The following IL1RAP variants were observed in gnomAD, a reference collection of about 807,000 sequenced individuals.
IL1RAP encodes the protein interleukin-1 receptor accessory protein.
Under a neutral mutation model 60.7 loss-of-function variants are expected in IL1RAP, and 35 were observed. That is an observed-to-expected ratio of 0.58 (90% CI 0.44 to 0.76). IL1RAP has a LOEUF of 0.76. Among genes scored for constraint, IL1RAP ranks in the 30% least tolerant of loss-of-function variants. IL1RAP has a pLI of 0.00. For missense variants in IL1RAP, 572 were observed against 693.9 expected, an observed-to-expected ratio of 0.82 and a Z score of 1.97; for synonymous variants, 268 against 250.9, an observed-to-expected ratio of 1.07 and a Z score of -0.64.
chr3:190,657,508 G>A (rs968444639), exon 12 of IL1RAP: 2 of 152,286 alleles, frequency 1.3e-5, no homozygotes, highest in East Asian at 3.9e-4. Flanking sequence ...TCCCATTCAG[G>A]CTTCTGAGAA....
chr3:190,657,982 G>T (rs929891104), exon 12 of IL1RAP: 1 of 151,860 alleles, frequency 6.6e-6, no homozygotes, highest in African/African-American at 2.4e-5. Context: ...TTGAACCTAG[G>T]AGGTGGAGGT....
intron 4 of IL1RAP, 101 bp downstream of exon 4, chr3:190,604,514 T>G: frequency 8.1e-7 from 1 of 1,241,130 alleles, no homozygotes; most frequent in Non-Finnish European, 1.1e-6. Flanking sequence ...GTCGGAAGCA[T>G]TTAGATAGAG....
chr3:190,609,868 A>G (rs533368660), intron 5 of IL1RAP, among the ~76,000 whole-genome samples: 1 of 152,296 alleles, frequency 6.6e-6, no homozygotes, highest in East Asian at 1.9e-4. Flanking sequence ...AAGGAAGCAG[A>G]TGGAAGTAAC....
At chr3:190,527,983 T>C (rs932615807) in intron 1 of IL1RAP, among the ~76,000 whole-genome samples, 6 of 152,158 alleles carry the variant, frequency 3.9e-5, no homozygotes, top group African/African-American at 1.4e-4. Flanking sequence ...TGGGAACTGC[T>C]GCAGGATTTT....
At chr3:190,606,622 A>G (rs1426238303) in intron 4 of IL1RAP, among the ~76,000 whole-genome samples, 1 of 152,196 alleles carries the variant, frequency 6.6e-6, no homozygotes, top group Non-Finnish European at 1.5e-5. Flanking sequence ...GAGCTGCATG[A>G]CTATTAAGAC....
chr3:190,589,549 AG>A, intron 3 of IL1RAP, among the ~76,000 whole-genome samples: 1 of 152,270 alleles, frequency 6.6e-6, no homozygotes, highest in Non-Finnish European at 1.5e-5. Context: ...TTCCTCTGGC[AG>A]GTGATGAAGA....
At position 190,535,260 on chromosome 3, in the gene IL1RAP, AAG is replaced by A. The variant is rs369251783; in HGVS notation, c.-88-20869_-88-20868del. ...CTGCCTGCTTGTGCAATGTGCTTTCAAGTACACTGCCTATTCAGTTTATTTAG... is the reference window on the plus strand; with the variant it reads ...CTGCCTGCTTGTGCAATGTGCTTTCATACACTGCCTATTCAGTTTATTTAG... On this transcript the variant is annotated intron_variant, in intron 1 of 11. Coordinates refer to ENST00000447382, the MANE Select transcript of IL1RAP (RefSeq NM_002182.4). 3.2e-3 allele frequency among the ~76,000 whole-genome samples: 487 copies of A among 152,292 alleles called. 1 individual carries two copies. Among genetic ancestry groups the A allele is most frequent in the Middle Eastern group, 0.017 (5 of 294 alleles).
intron 1 of IL1RAP, among the ~76,000 whole-genome samples, chr3:190,554,260 G>T (rs1725194840): frequency 6.6e-6 from 1 of 151,910 alleles, no homozygotes; most frequent in Non-Finnish European, 1.5e-5. Context: ...GAATTTATTG[G>T]GCAAAAAGGA....
At chr3:190,554,162 A>C (rs969093464) in intron 1 of IL1RAP, among the ~76,000 whole-genome samples, 7 of 152,052 alleles carry the variant, frequency 4.6e-5, no homozygotes, top group Admixed American at 2.6e-4. Flanking sequence ...CTGGGCACCA[A>C]AGATGTTGTA....
chr3:190,532,464 G>A (rs985097385), intron 1 of IL1RAP, among the ~76,000 whole-genome samples: 10 of 151,956 alleles, frequency 6.6e-5, no homozygotes, highest in East Asian at 3.9e-4. Context: ...GGGTTTCACC[G>A]TGTTAGCCAG....
Position 190,648,715 on chromosome 3 carries a change from T to C in IL1RAP, c.*10T>C. ...TTTGAAAAATGTATGAAAGGAATAA[T>C]GAAAAGGGTAAAAAGAACAAGGGGT... On this transcript the variant is annotated 3_prime_UTR_variant, in exon 12 of 12. Coordinates refer to ENST00000447382, the MANE Select transcript of IL1RAP (RefSeq NM_002182.4). The C allele has an allele frequency of 1.2e-6, 2 of 1,600,062 alleles. No individual in the cohort carries two copies. The highest frequency in any genetic ancestry group is 1.1e-5 in the South Asian group (1 of 88,776).
intron 1 of IL1RAP, among the ~76,000 whole-genome samples, chr3:190,544,906 CA>C (rs1724240194): frequency 6.6e-6 from 1 of 152,146 alleles, no homozygotes; most frequent in Non-Finnish European, 1.5e-5. Flanking sequence ...CATAGCCTTT[CA>C]AAATCATTCT....
At chr3:190,587,555 A>G (rs993936385) in intron 3 of IL1RAP, among the ~76,000 whole-genome samples, 3 of 152,220 alleles carry the variant, frequency 2.0e-5, no homozygotes, top group African/African-American at 7.2e-5. Flanking sequence ...ATACTACAAG[A>G]TGTATCTCAG....
chr3:190,533,289 G>T (rs1182080931), intron 1 of IL1RAP, among the ~76,000 whole-genome samples: 2 of 152,124 alleles, frequency 1.3e-5, no homozygotes, highest in Non-Finnish European at 2.9e-5. Context: ...CATCACTAGA[G>T]ATATTAAAAG....
intron 1 of IL1RAP, among the ~76,000 whole-genome samples, chr3:190,541,341 C>T (rs1723921094): frequency 1.3e-5 from 2 of 152,192 alleles, no homozygotes; most frequent in Admixed American, 6.5e-5. Context: ...TCAGTAATTG[C>T]AAGTTGGCCA....
rs1011073152 is a variant in IL1RAP, at chr3:190,639,614, A to G, written c.1052-4634A>G. 4.6e-5 allele frequency among the ~76,000 whole-genome samples: 7 copies of G among 152,142 alleles called. No homozygotes were observed. The South Asian group carries it at 8.3e-4, about 18-fold the overall frequency. On this transcript the variant is annotated intron_variant, in intron 9 of 11. Transcript: ENST00000447382. ...AATTTTTGTTCTGTTTTGATTAGCT[A>G]TCTTTTTATTAGCTAATATAGACTT...
chr3:190,539,469 CT>C (rs1165155854), intron 1 of IL1RAP, among the ~76,000 whole-genome samples: 2 of 152,086 alleles, frequency 1.3e-5, no homozygotes, highest in African/African-American at 4.8e-5. Flanking sequence ...GTATCTCCAT[CT>C]TCCCCACTTC....
chr3:190,556,689 A>G (rs577150473), intron 2 of IL1RAP, among the ~76,000 whole-genome samples: 2 of 152,332 alleles, frequency 1.3e-5, no homozygotes, highest in Admixed American at 1.3e-4. Context: ...TAGTACACAC[A>G]AAGTGTAGGG....
rs576470023 is a variant in IL1RAP at position 190,650,694 on chromosome 3, A to G, written c.*1989A>G. 943 of 967,908 alleles carry G rather than the reference A, an allele frequency of 9.7e-4. 1 individual carries two copies. Among genetic ancestry groups the G allele is most frequent in the Non-Finnish European group, 1.1e-3 (900 of 813,968 alleles). The allele number at this position is 967,908 out of a possible 1,614,324, so 60.0% of individuals were successfully genotyped here. ...GATGAAAAAAGTAGAAAAGTAGGTCATTCTTGGATCTACTTTTTTTTAGCC... is the reference window on the plus strand; with the variant it reads ...GATGAAAAAAGTAGAAAAGTAGGTCGTTCTTGGATCTACTTTTTTTTAGCC... On this transcript the variant is annotated 3_prime_UTR_variant, in exon 12 of 12. Transcript: ENST00000447382.
Sources: allele counts gnomAD v4.1 joint callset (sites outside exome capture counted in the v4.1 genomes callset), GRCh38; gene constraint gnomAD v4.1.1; transcripts MANE v1.5; gene names NCBI Gene and HGNC (gene_info 2026-07-23, HGNC 2026-07-21).